The following HRH1 variants were observed in gnomAD, a reference collection of about 807,000 sequenced individuals.
HRH1 encodes histamine receptor H1.
In HRH1, 6 loss-of-function variants were observed where a neutral mutation model predicts 10.3. The observed-to-expected ratio is 0.58, with a 90% CI of 0.32 to 1.15. The LOEUF (loss-of-function observed/expected upper bound fraction) is 1.15, where lower values mean the gene tolerates loss of function less well. Among genes scored for constraint, HRH1 ranks in the 50% most tolerant of loss-of-function variants. HRH1 has a pLI of 0.05. For synonymous variants in HRH1, 242 were observed against 236.7 expected (o/e 1.02, Z -0.21); for missense variants, 514 against 615.3 (o/e 0.84, Z 1.74).
intron 1 of HRH1, among the ~76,000 whole-genome samples, chr3:11,198,046 T>C (rs1167527805): frequency 6.6e-6 from 1 of 152,160 alleles, no homozygotes; most frequent in Non-Finnish European, 1.5e-5. Flanking sequence ...TGGTTCTCCC[T>C]GGGCCCTCAT....
In HRH1 at chr3:11,260,243, A is replaced by G; in HGVS notation, c.1206A>G (p.Val402=). ...TCCGCTCGCATTCAAGACAGTATGT[A>G]TCTGGGTTGCACATGAACCGCGAAA... ...KRLRSHSRQY[V]SGLHMNRERK... The change falls in exon 2 of 2, where the codon GTA becomes GTG. Residue 402 remains valine (V), a synonymous_variant. Transcript: ENST00000431010. The G allele has an allele frequency of 6.2e-7, 1 of 1,614,216 alleles. No individual in the cohort carries two copies. Among genetic ancestry groups the G allele is most frequent in the Non-Finnish European group, 8.5e-7 (1 of 1,180,046 alleles).
intron 1 of HRH1, among the ~76,000 whole-genome samples, chr3:11,225,034 C>G (rs1938838491): frequency 6.6e-6 from 1 of 152,168 alleles, no homozygotes; most frequent in Admixed American, 6.5e-5. Context: ...TCCACTGCGG[C>G]TGCTAAGAGC....
intron 1 of HRH1, among the ~76,000 whole-genome samples, chr3:11,235,863 C>G (rs1173248767): frequency 2.0e-5 from 3 of 152,218 alleles, no homozygotes; most frequent in Non-Finnish European, 4.4e-5. Flanking sequence ...TTTCCCAGTC[C>G]TTTGGCTGGA....
In HRH1 at chr3:11,154,974, C is replaced by G. The variant is rs1300822199; in HGVS notation, c.-36+420C>G. 2.6e-5 allele frequency among the ~76,000 whole-genome samples: 4 copies of G among 152,208 alleles called. No individual in the cohort carries two copies. The highest frequency in any genetic ancestry group is 9.6e-5 in the African/African-American group (4 of 41,460). On this transcript the variant is annotated intron_variant, in intron 1 of 1. Transcript: ENST00000431010. The surrounding 1 kb of genome is among the most constrained non-coding windows in gnomAD (Gnocchi z 4.4). ...TGCGTTCACTGTGCCAGGCTTTGGG[C>G]ATCCATTATCTGTTGCAATATTGTT...
intron 1 of HRH1, among the ~76,000 whole-genome samples, chr3:11,245,941 ACACT>A (rs1041602129): frequency 3.1e-4 from 47 of 151,952 alleles, no homozygotes; most frequent in East Asian, 5.8e-4. Context: ...ATACACACTC[ACACT>A]CACTCATACA....
At chr3:11,171,070 C>G (rs1020371396) in intron 1 of HRH1, among the ~76,000 whole-genome samples, 3 of 151,660 alleles carry the variant, frequency 2.0e-5, no homozygotes, top group African/African-American at 7.3e-5. Context: ...TTAAGGGACA[C>G]CAGGAGACCA....
intron 1 of HRH1, among the ~76,000 whole-genome samples, chr3:11,243,887 G>T (rs1939412503): frequency 6.6e-6 from 1 of 152,142 alleles, no homozygotes; most frequent in African/African-American, 2.4e-5. Context: ...CTGAATTCTA[G>T]GGTTTTTAAT....
At chr3:11,172,871 T>C (rs1397919771) in intron 1 of HRH1, among the ~76,000 whole-genome samples, 12 of 151,722 alleles carry the variant, frequency 7.9e-5, no homozygotes. Flanking sequence ...CCAGCTAATT[T>C]TTTTGTATTT....
At chr3:11,141,292 T>C (rs1936287899) in intron 1 of HRH1, among the ~76,000 whole-genome samples, 1 of 152,200 alleles carries the variant, frequency 6.6e-6, no homozygotes, top group Admixed American at 6.5e-5. Context: ...CACACTATGC[T>C]CCCAATAAAC....
intron 1 of HRH1, among the ~76,000 whole-genome samples, chr3:11,224,957 A>C (rs770581689): frequency 6.6e-6 from 1 of 152,194 alleles, no homozygotes; most frequent in Non-Finnish European, 1.5e-5. Flanking sequence ...ATGAGACAGA[A>C]GCTCTTCAAA....
At chr3:11,158,719 T>C (rs2125007359) in intron 1 of HRH1, among the ~76,000 whole-genome samples, 1 of 152,344 alleles carries the variant, frequency 6.6e-6, no homozygotes, top group South Asian at 2.1e-4. Context: ...AAAATTCATG[T>C]TCTGTTGGTT....
intron 1 of HRH1, among the ~76,000 whole-genome samples, chr3:11,258,365 G>A (rs1023974183): frequency 6.6e-6 from 1 of 152,002 alleles, no homozygotes; most frequent in African/African-American, 2.4e-5. Flanking sequence ...TGACAGCAAG[G>A]CCCTAGGCTG....
At chr3:11,222,596 A>T (rs952606371) in intron 1 of HRH1, among the ~76,000 whole-genome samples, 1 of 152,162 alleles carries the variant, frequency 6.6e-6, no homozygotes, top group Non-Finnish European at 1.5e-5. Flanking sequence ...GGAGTGAAGC[A>T]GATAGCCACT....
intron 1 of HRH1, among the ~76,000 whole-genome samples, chr3:11,202,365 A>T (rs1367200498): frequency 2.0e-5 from 3 of 151,652 alleles, no homozygotes; most frequent in Non-Finnish European, 2.9e-5. Flanking sequence ...AGATCACACC[A>T]CTGCACTCCA....
Position 11,260,780 on chromosome 3 carries a change from A to G in HRH1, c.*279A>G, listed in dbSNP as rs945198556. ...GTTCAAAAAGAAAAAAATAATAAAA[A>G]TAAAAGAGAGAGAGAATCAGACCTG... On this transcript the variant is annotated 3_prime_UTR_variant, in exon 2 of 2. Transcript: ENST00000431010. 1.0e-5 allele frequency: 4 copies of G among 382,946 alleles called. No homozygotes were observed. The highest frequency in any genetic ancestry group is 8.3e-5 in the African/African-American group (4 of 48,062). 23.7% of individuals were successfully genotyped at this position (382,946 alleles called of 1,614,324 possible).
chr3:11,210,236 A>T (rs1348339145), intron 1 of HRH1, among the ~76,000 whole-genome samples: 1 of 152,036 alleles, frequency 6.6e-6, no homozygotes, highest in Non-Finnish European at 1.5e-5. Context: ...ACCAAAAAAG[A>T]TACAAAAATT....
chr3:11,148,180 C>CAAAAA (rs58792725), intron 1 of HRH1, among the ~76,000 whole-genome samples: 54 of 85,350 alleles, frequency 6.3e-4, no homozygotes, highest in African/African-American at 7.3e-4. Flanking sequence ...CTCTGTCAAA[C>CAAAAA]AAAAAAAAAA....
chr3:11,184,405 A>G (rs1466660569), intron 1 of HRH1, among the ~76,000 whole-genome samples: 3 of 152,154 alleles, frequency 2.0e-5, no homozygotes, highest in African/African-American at 7.2e-5. Context: ...CAGGCGGTCC[A>G]TCTCCAAGCT....
chr3:11,195,493 C>T (rs141515926), intron 1 of HRH1, among the ~76,000 whole-genome samples: 3 of 152,324 alleles, frequency 2.0e-5, no homozygotes, highest in East Asian at 1.9e-4. Flanking sequence ...TCCACTTCAG[C>T]GTACAGAGTG....
Sources: gnomAD v4.1 joint callset for allele counts (sites outside exome capture counted in the v4.1 genomes callset) on GRCh38, gnomAD v4.1.1 for gene constraint, Gnocchi (gnomAD v3.1) non-coding constraint, MANE v1.5 for transcripts, NCBI Gene and HGNC (gene_info 2026-07-23, HGNC 2026-07-21) for gene names.